The following MEGF8 variants were observed in gnomAD, a reference collection of about 807,000 sequenced individuals.
MEGF8 encodes the protein multiple epidermal growth factor-like domains protein 8.
In MEGF8, 156 loss-of-function variants were observed where a neutral mutation model predicts 302.9. The ratio of observed to expected loss-of-function variants is 0.52; its 90% confidence interval spans 0.45 to 0.59. The LOEUF (loss-of-function observed/expected upper bound fraction) is 0.59, where lower values mean the gene tolerates loss of function less well. Among genes scored for constraint, MEGF8 ranks in the 20% least tolerant of loss-of-function variants. The probability of loss-of-function intolerance (pLI) is 0.00; values close to 1 mark genes in which losing one functional copy is unlikely to be tolerated. For missense variants in MEGF8, 3,345 were observed against 3,964.5 expected, an observed-to-expected ratio of 0.84 and a Z score of 4.20; for synonymous variants, 1,621 against 1,660.5, an observed-to-expected ratio of 0.98 and a Z score of 0.58.
At position 42,356,930 on chromosome 19, in the gene MEGF8, C is replaced by T; in HGVS notation, c.4779C>T (p.Thr1593=). 6.2e-7 allele frequency: 1 copy of T among 1,610,944 alleles called. No individual in the cohort carries two copies. The highest frequency in any genetic ancestry group is 8.5e-7 in the Non-Finnish European group (1 of 1,178,790). The change falls in exon 27 of 42, where the codon ACC becomes ACT. Residue 1593 remains threonine (T), a synonymous_variant. Transcript: ENST00000251268. This position sits in a 1 kb window ranked among gnomAD's most constrained non-coding sequence, Gnocchi z 5.2. ...GGGGACTTACCGCTGGAGGCGTCAC[C>T]CGTGATTTCTGGGTCCTCAACCTCA... ...LLGGLTAGGV[T]RDFWVLNLTT... is the part of the protein sequence containing the mutation.
Position 42,336,315 on chromosome 19 carries a change from G to T in MEGF8, c.1213G>T (p.Val405Phe). 1 of 1,604,868 alleles carries T rather than the reference G, an allele frequency of 6.2e-7. No homozygotes were observed. Among genetic ancestry groups the T allele is most frequent in the Non-Finnish European group, 8.5e-7 (1 of 1,177,598 alleles). ...VFHAPSRALL[V>F]HGGHRPSTAR... is the part of the protein sequence containing the mutation. ...CCATGCCCCCTCCCGTGCCCTGCTGGTCCATGGTGGACACCGGCCCTCCAC... is the reference window on the plus strand; with the variant it reads ...CCATGCCCCCTCCCGTGCCCTGCTGTTCCATGGTGGACACCGGCCCTCCAC... Residue 405 changes from valine to phenylalanine, a missense_variant, in exon 6 of 42, where the codon GTC becomes TTC. Physicochemically the swap from Val to Phe is conservative, Grantham distance 50 (BLOSUM62 -1). Coordinates refer to ENST00000251268, the MANE Select transcript of MEGF8 (RefSeq NM_001271938.2). This position sits in a 1 kb window ranked among gnomAD's most constrained non-coding sequence, Gnocchi z 4.8.
chr19:42,351,535 G>C lies in MEGF8; in HGVS notation c.2962G>C (p.Gly988Arg). The C allele has an allele frequency of 6.2e-7, 1 of 1,609,384 alleles. No individual in the cohort carries two copies. Among genetic ancestry groups the C allele is most frequent in the Non-Finnish European group, 8.5e-7 (1 of 1,178,170 alleles). ...FAAYLARYPH[G>R]GCRGWDDSVH... ...TGCCTACTTGGCCCGGTACCCACAC[G>C]GGGGCTGTCGAGGCTGGGACGACAG... Residue 988 changes from glycine (G) to arginine (R), a missense_variant, in exon 17 of 42, where the codon GGG (glycine) becomes CGG (arginine). By Grantham distance (125) the Gly-to-Arg change is moderately radical (BLOSUM62 -2). Transcript: ENST00000251268. The surrounding 1 kb of genome is among the most constrained non-coding windows in gnomAD (Gnocchi z 5.6).
In MEGF8 at chr19:42,359,084, C is replaced by CCG; in HGVS notation, c.5344-14_5344-13insCG. ...CAGGCTGTCCTGTCCCCCCACCCCC[C>CCG]GTCTCCCCAACAGCCCCGCCCCCGG... On this transcript the variant is annotated splice_polypyrimidine_tract_variant and intron_variant, in intron 30 of 41. Coordinates refer to ENST00000251268, the MANE Select transcript of MEGF8 (RefSeq NM_001271938.2). 1 of 1,503,966 alleles carries CCG rather than the reference C, an allele frequency of 6.6e-7. No individual in the cohort carries two copies. 93.2% of individuals were successfully genotyped at this position (1,503,966 alleles called of 1,614,324 possible).
In MEGF8 at chr19:42,368,655, C is replaced by A; in HGVS notation, c.6474C>A (p.Pro2158=). The A allele has an allele frequency of 6.5e-7, 1 of 1,544,986 alleles. No homozygotes were observed. The highest frequency in any genetic ancestry group is 2.3e-5 in the East Asian group (1 of 43,024). Residue 2158 remains proline, a synonymous_variant, in exon 36 of 42, where the codon CCC becomes CCA. Transcript: ENST00000251268. This position sits in a 1 kb window ranked among gnomAD's most constrained non-coding sequence, Gnocchi z 4.9. ...GRCMEGGLSG[P]RDGLTCGRPG... Reference sequence around the variant, plus strand: ...GCATGGAGGGTGGACTCAGCGGCCCCCGTGATGGTGAGAGGGCTTTGGGCA... The same window carrying A: ...GCATGGAGGGTGGACTCAGCGGCCCACGTGATGGTGAGAGGGCTTTGGGCA...
Position 42,336,189 on chromosome 19 carries a change from C to G in MEGF8, c.1087C>G (p.Leu363Val), listed in dbSNP as rs767639907. The stretch of plus-strand genomic sequence containing the variant: ...CCCGCACGACCTCTTCTCCTCTGGC[C>G]TCTTCCGTTTCCGCCTTGACAGCAC... ...RTPHDLFSSG[L>V]FRFRLDSTSG... The change falls in exon 6 of 42, where the codon CTC (leucine) becomes GTC (valine). Residue 363 changes from leucine (L) to valine (V), a missense_variant. Physicochemically the swap from Leu to Val is conservative, Grantham distance 32 (BLOSUM62 1). Coordinates refer to ENST00000251268, the MANE Select transcript of MEGF8 (RefSeq NM_001271938.2). The surrounding 1 kb of genome is among the most constrained non-coding windows in gnomAD (Gnocchi z 4.8). 1 of 1,610,848 alleles carries G rather than the reference C, an allele frequency of 6.2e-7. No individual in the cohort carries two copies. Among genetic ancestry groups the G allele is most frequent in the South Asian group, 1.1e-5 (1 of 91,090 alleles).
At position 42,335,032 on chromosome 19, in the gene MEGF8, C is replaced by T. The variant is rs1438070690; in HGVS notation, c.559-3C>T. On this transcript the variant is annotated splice_region_variant and splice_polypyrimidine_tract_variant and intron_variant, in intron 3 of 41. Transcript: ENST00000251268. ...CTCTGCCTTTATGTCTCCTTTCCCGCAGCCCCTGGGACCATGCCGCTGTGA... is the reference window on the plus strand; with the variant it reads ...CTCTGCCTTTATGTCTCCTTTCCCGTAGCCCCTGGGACCATGCCGCTGTGA... The T allele has an allele frequency of 6.2e-7, 1 of 1,602,014 alleles. No individual in the cohort carries two copies. Among genetic ancestry groups the T allele is most frequent in the South Asian group, 1.1e-5 (1 of 90,552 alleles).
chr19:42,352,204 G>A lies in MEGF8; in HGVS notation c.3102-4G>A. Reference sequence around the variant, plus strand: ...CCCCGCTTCTTCACTCTCCCACCCTGCAGGTGCCTACAGGGGGACTTCTCA... The same window carrying A: ...CCCCGCTTCTTCACTCTCCCACCCTACAGGTGCCTACAGGGGGACTTCTCA... On this transcript the variant is annotated splice_polypyrimidine_tract_variant and splice_region_variant and intron_variant, in intron 18 of 41. Transcript: ENST00000251268. The surrounding 1 kb of genome is among the most constrained non-coding windows in gnomAD (Gnocchi z 4.4). The A allele has an allele frequency of 1.3e-6, 2 of 1,520,878 alleles. No homozygotes were observed. The highest frequency in any genetic ancestry group is 1.4e-5 in the African/African-American group (1 of 72,660). 94.2% of individuals were successfully genotyped at this position (1,520,878 alleles called of 1,614,324 possible). A position where few individuals can be genotyped will look rare whatever the true frequency, so the allele number is the denominator to read the frequency against.
chr19:42,357,353 G>A lies in MEGF8; in HGVS notation c.4831-51G>A, dbSNP rs185058329. 8.9e-6 allele frequency: 14 copies of A among 1,581,384 alleles called. No homozygotes were observed. The East Asian group carries it at 2.9e-4, about 33-fold the overall frequency. ...GCTGAGGCTCGCTTCTACCCACAAG[G>A]TGACCCCTGACCTCTAGCCCCATCG... On this transcript the variant is annotated intron_variant, in intron 27 of 41. Coordinates refer to ENST00000251268, the MANE Select transcript of MEGF8 (RefSeq NM_001271938.2). The surrounding 1 kb of genome is among the most constrained non-coding windows in gnomAD (Gnocchi z 5.2).
chr19:42,362,297 C>G, intron 33 of MEGF8, 84 bp downstream of exon 33: 1 of 1,609,436 alleles, frequency 6.2e-7, no homozygotes, highest in Non-Finnish European at 8.5e-7. Context: ...GCTGTCCCAC[C>G]CACCCCAGGG....
Position 42,368,704 on chromosome 19 carries a change from G to A in MEGF8, c.6481+42G>A. 2 of 1,532,310 alleles carry A rather than the reference G, an allele frequency of 1.3e-6. No homozygotes were observed. The highest frequency in any genetic ancestry group is 1.8e-6 in the Non-Finnish European group (2 of 1,140,848). 94.9% of individuals were successfully genotyped at this position (1,532,310 alleles called of 1,614,324 possible). ...CACTGGGGGAGAGGGGCTGGCCCTT[G>A]GTTGGGGTCTGATACAGTGAACATA... On this transcript the variant is annotated intron_variant, in intron 36 of 41. Coordinates refer to ENST00000251268, the MANE Select transcript of MEGF8 (RefSeq NM_001271938.2). The surrounding 1 kb of genome is among the most constrained non-coding windows in gnomAD (Gnocchi z 4.9).
In MEGF8 at chr19:42,336,367, C is replaced by T; in HGVS notation, c.1244+21C>T. 1 of 1,567,374 alleles carries T rather than the reference C, an allele frequency of 6.4e-7. No individual in the cohort carries two copies. Among genetic ancestry groups the T allele is most frequent in the Non-Finnish European group, 8.6e-7 (1 of 1,157,534 alleles). Reference sequence around the variant, plus strand: ...GCCCGGTAAGTGACCTGTCCCATAACCCATGCTCCACAGGCCAGGCCCAGC... The same window carrying T: ...GCCCGGTAAGTGACCTGTCCCATAATCCATGCTCCACAGGCCAGGCCCAGC... On this transcript the variant is annotated intron_variant, in intron 6 of 41. Coordinates refer to ENST00000251268, the MANE Select transcript of MEGF8 (RefSeq NM_001271938.2). This position sits in a 1 kb window ranked among gnomAD's most constrained non-coding sequence, Gnocchi z 4.8.
At chr19:42,326,889 G>C (rs2147435009) in intron 1 of MEGF8, among the ~76,000 whole-genome samples, 1 of 152,216 alleles carries the variant, frequency 6.6e-6, no homozygotes, top group Middle Eastern at 3.4e-3. Context: ...TGAGTGTGTA[G>C]AGACAGAGTC....
chr19:42,361,073 A>C, intron 32 of MEGF8, 67 bp downstream of exon 32: 1 of 1,454,332 alleles, frequency 6.9e-7, no homozygotes, highest in Non-Finnish European at 9.2e-7. Context: ...GTGCTAGGCC[A>C]CACCAGGATG....
At position 42,358,932 on chromosome 19, in the gene MEGF8, A is replaced by T; in HGVS notation, c.5321A>T (p.Glu1774Val). The T allele has an allele frequency of 6.2e-7, 1 of 1,610,940 alleles. No homozygotes were observed. Among genetic ancestry groups the T allele is most frequent in the Non-Finnish European group, 8.5e-7 (1 of 1,178,814 alleles). Residue 1774 changes from glutamate to valine, a missense_variant, in exon 30 of 42, where the codon GAA becomes GTA. Glu to Val is a moderately radical substitution (Grantham distance 121). Coordinates refer to ENST00000251268, the MANE Select transcript of MEGF8 (RefSeq NM_001271938.2). This position sits in a 1 kb window ranked among gnomAD's most constrained non-coding sequence, Gnocchi z 4.4. ...ALAGTGGFLE[E>V]ISPHLKEPRP... ...GCTGGTACAGGAGGTTTCCTGGAGG[A>T]AATCTCACCTCACCTGAAGGAGGTG...
intron 38 of MEGF8, 102 bp from the exon 39 acceptor site, chr19:42,370,087 C>A: frequency 7.6e-7 from 1 of 1,311,128 alleles, no homozygotes; most frequent in Non-Finnish European, 1.0e-6. Context: ...CGAGCCTCTG[C>A]TGCCCTCCCG....
At chr19:42,371,511 G>A (rs772618794) in intron 41 of MEGF8, 29 bp downstream of exon 41, 26 of 1,613,186 alleles carry the variant, frequency 1.6e-5, no homozygotes, top group South Asian at 1.3e-4. Flanking sequence ...GTGGTGGGCC[G>A]AGGGCCCTAC....
In MEGF8 at chr19:42,376,454, G is replaced by T; in HGVS notation, c.8217G>T (p.Gly2739=). The T allele has an allele frequency of 6.2e-7, 1 of 1,610,410 alleles. No individual in the cohort carries two copies. Among genetic ancestry groups the T allele is most frequent in the South Asian group, 1.1e-5 (1 of 90,848 alleles). Residue 2739 remains glycine (G), a synonymous_variant, in exon 42 of 42, where the codon GGG becomes GGT. Transcript: ENST00000251268. The surrounding 1 kb of genome is among the most constrained non-coding windows in gnomAD (Gnocchi z 8.2). ...EPFLAPLLLT[G]AGGPWGPMGG... ...TCCTGGCACCCCTGCTGCTGACAGG[G>T]GCCGGTGGGCCCTGGGGACCCATGG... is the stretch of plus-strand genomic sequence containing the variant.
rs748245119 is a variant in MEGF8 at position 42,352,175 on chromosome 19, T to G, written c.3102-33T>G. 1 of 1,480,924 alleles carries G rather than the reference T, an allele frequency of 6.8e-7. No homozygotes were observed. Among genetic ancestry groups the G allele is most frequent in the Admixed American group, 2.5e-5 (1 of 39,458 alleles). 91.7% of individuals were successfully genotyped at this position (1,480,924 alleles called of 1,614,324 possible). A position where few individuals can be genotyped will look rare whatever the true frequency, so the allele number is the denominator to read the frequency against. On this transcript the variant is annotated intron_variant, in intron 18 of 41. Coordinates refer to ENST00000251268, the MANE Select transcript of MEGF8 (RefSeq NM_001271938.2). The surrounding 1 kb of genome is among the most constrained non-coding windows in gnomAD (Gnocchi z 4.4). ...CTATGTATGGCTCCTGTTTCTATGT[T>G]GTCCCCCGCTTCTTCACTCTCCCAC...
At position 42,337,108 on chromosome 19, in the gene MEGF8, A is replaced by G; in HGVS notation, c.1415A>G (p.Gln472Arg). Reference sequence around the variant, plus strand: ...GGGGGCAATGTGCACACCCATTACCAGGAGGAAAAGTGCTACGAAGATGGC... The same window carrying G: ...GGGGGCAATGTGCACACCCATTACCGGGAGGAAAAGTGCTACGAAGATGGC... ...VYGGNVHTHY[Q>R]EEKCYEDGIF... The change falls in exon 8 of 42, where the codon CAG becomes CGG. Residue 472 changes from glutamine to arginine, a missense_variant. Coordinates refer to ENST00000251268, the MANE Select transcript of MEGF8 (RefSeq NM_001271938.2). 2 of 1,613,944 alleles carry G rather than the reference A, an allele frequency of 1.2e-6. No homozygotes were observed. Among genetic ancestry groups the G allele is most frequent in the Non-Finnish European group, 1.7e-6 (2 of 1,179,868 alleles).
Sources: gnomAD v4.1 joint callset for allele counts (sites outside exome capture counted in the v4.1 genomes callset) on GRCh38, gnomAD v4.1.1 for gene constraint, Gnocchi (gnomAD v3.1) non-coding constraint, MANE v1.5 for transcripts, NCBI Gene and HGNC (gene_info 2026-07-23, HGNC 2026-07-21) for gene names.